TP63: variants seen among roughly 807,000 people sequenced by gnomAD.
The protein encoded by TP63 is tumor protein p63, also known as tumor protein 63.
In TP63, 17 loss-of-function variants were observed where a neutral mutation model predicts 82.8. The ratio of observed to expected loss-of-function variants is 0.21; its 90% CI spans 0.14 to 0.31. The LOEUF is 0.31. Ranked by LOEUF, TP63 falls within the 10% of genes least tolerant of loss-of-function variation. TP63 has a pLI of 1.00. For synonymous variants in TP63, 330 were observed against 321.7 expected (o/e 1.03, Z -0.28); for missense variants, 648 against 895.3 (o/e 0.72, Z 3.52).
chr3:189,614,750 C>T, the TP63 span, among the ~76,000 whole-genome samples: 1 of 152,214 alleles, frequency 6.6e-6, no homozygotes, highest in Admixed American at 6.5e-5. Context: ...GATGTGGGGG[C>T]AGATATTTGA....
intron 3 of TP63, among the ~76,000 whole-genome samples, chr3:189,795,934 T>C (rs1215303759): frequency 6.6e-6 from 1 of 152,084 alleles, no homozygotes; most frequent in African/African-American, 2.4e-5. Context: ...CTATCATTTA[T>C]AGGGACTTAG....
intron 4 of TP63, 21 bp downstream of exon 4, chr3:189,808,547 C>T: frequency 1.2e-6 from 2 of 1,612,316 alleles, no homozygotes; most frequent in Non-Finnish European, 1.7e-6. Context: ...CGGGCACGCA[C>T]ATACCTGACC....
chr3:189,815,591 T>C (rs1223792025), intron 4 of TP63, among the ~76,000 whole-genome samples: 2 of 152,174 alleles, frequency 1.3e-5, no homozygotes, highest in African/African-American at 4.8e-5. Flanking sequence ...ATGTAATATC[T>C]TCATATCTTA....
At chr3:189,658,895 A>T (rs77642768) in intron 1 of TP63, among the ~76,000 whole-genome samples, 1 of 152,144 alleles carries the variant, frequency 6.6e-6, no homozygotes, top group East Asian at 1.9e-4. Flanking sequence ...CTTTGATAAT[A>T]ATGTATCGGT....
intron 1 of TP63, among the ~76,000 whole-genome samples, chr3:189,737,245 T>C (rs1398466646): frequency 6.6e-6 from 1 of 152,052 alleles, no homozygotes; most frequent in Non-Finnish European, 1.5e-5. Context: ...ATTGCGGTTA[T>C]GGGAGGGATG....
rs761878600 is a variant in TP63, at chr3:189,886,549, A to G, written c.1505A>G (p.Asn502Ser). 6.2e-7 allele frequency: 1 copy of G among 1,614,060 alleles called. No homozygotes were observed. Among genetic ancestry groups the G allele is most frequent in the Non-Finnish European group, 8.5e-7 (1 of 1,179,986 alleles). The change falls in exon 11 of 14, where the codon AAC becomes AGC. Residue 502 changes from asparagine to serine, a missense_variant and splice_region_variant. Physicochemically the swap from Asn to Ser is conservative, Grantham distance 46. This residue lies in a region of TP63 where 342 missense variants were observed against 425.7 expected (regional missense o/e 0.80). Coordinates refer to ENST00000264731, the MANE Select transcript of TP63 (RefSeq NM_003722.5). ...ACCATTCCTGATGGCATGGGAGCCA[A>G]CAGTAAGAGCATCTCCTTTTAGCTG... Reference protein sequence around the residue: ...PTTIPDGMGANIPMMGTHMPM... With the variant: ...PTTIPDGMGASIPMMGTHMPM...
At chr3:189,658,849 C>G (rs1187183742) in intron 1 of TP63, among the ~76,000 whole-genome samples, 2 of 151,880 alleles carry the variant, frequency 1.3e-5, no homozygotes, top group East Asian at 1.9e-4. Flanking sequence ...GCCTATCTAA[C>G]TCAGTTGGTA....
chr3:189,770,179 T>A (rs1723231697), intron 3 of TP63, among the ~76,000 whole-genome samples: 1 of 152,240 alleles, frequency 6.6e-6, no homozygotes. Flanking sequence ...ATTGCCTTGA[T>A]CTAAGTTTTG....
At chr3:189,801,159 T>G (rs1295851895) in intron 3 of TP63, among the ~76,000 whole-genome samples, 1 of 152,160 alleles carries the variant, frequency 6.6e-6, no homozygotes, top group Non-Finnish European at 1.5e-5. Flanking sequence ...AAAGGCAGTA[T>G]GGTATGCTTA....
chr3:189,655,926 A>G (rs1464599651), intron 1 of TP63, among the ~76,000 whole-genome samples: 2 of 152,168 alleles, frequency 1.3e-5, no homozygotes, highest in East Asian at 3.9e-4. Context: ...TCATAACCCC[A>G]CAAATGACCT....
intron 3 of TP63, among the ~76,000 whole-genome samples, chr3:189,771,965 C>T (rs1449551453): frequency 6.6e-6 from 1 of 152,094 alleles, no homozygotes; most frequent in African/African-American, 2.4e-5. Context: ...TTGAGCATGG[C>T]AGAGTGATAA....
At chr3:189,645,346 T>C in intron 1 of TP63, 1 of 529,814 alleles carries the variant, frequency 1.9e-6, no homozygotes, top group South Asian at 2.8e-5. Context: ...TCTTGAAGTC[T>C]AGTAAGCAGA....
intron 1 of TP63, among the ~76,000 whole-genome samples, chr3:189,669,228 C>A (rs1469839526): frequency 6.6e-6 from 1 of 151,558 alleles, no homozygotes; most frequent in Non-Finnish European, 1.5e-5. Flanking sequence ...AAAAACAATA[C>A]TAACAACCAA....
intron 5 of TP63, 113 bp downstream of exon 5, chr3:189,864,531 A>C: frequency 1.7e-6 from 1 of 575,066 alleles, no homozygotes; most frequent in African/African-American, 2.0e-5. Context: ...CCGATGGCAG[A>C]TCAGTCTGCC....
At chr3:189,873,408 G>A in intron 10 of TP63, 1 of 280,384 alleles carries the variant, frequency 3.6e-6, no homozygotes, top group East Asian at 8.7e-5. Flanking sequence ...CCACTTTTGG[G>A]AATAACACTG....
intron 3 of TP63, among the ~76,000 whole-genome samples, chr3:189,761,120 T>C (rs1228172591): frequency 6.6e-6 from 1 of 152,224 alleles, no homozygotes; most frequent in Non-Finnish European, 1.5e-5. Flanking sequence ...CACATAGGTC[T>C]CTGACATTCC....
chr3:189,888,371 C>T (rs1347207351), intron 11 of TP63, among the ~76,000 whole-genome samples: 1 of 152,130 alleles, frequency 6.6e-6, no homozygotes, highest in Non-Finnish European at 1.5e-5. Flanking sequence ...TCTTAGAGTC[C>T]TCAAGTTCCT....
intron 10 of TP63, among the ~76,000 whole-genome samples, chr3:189,879,459 T>C (rs952138194): frequency 6.6e-6 from 1 of 152,204 alleles, no homozygotes; most frequent in Non-Finnish European, 1.5e-5. Context: ...CATCTCAATC[T>C]GGGAATATCC....
At chr3:189,850,398 T>C (rs1228866665) in intron 4 of TP63, among the ~76,000 whole-genome samples, 3 of 152,204 alleles carry the variant, frequency 2.0e-5, no homozygotes, top group Non-Finnish European at 4.4e-5. Context: ...TCCATATTGC[T>C]TCAAATCTTT....
Sources: allele counts gnomAD v4.1 joint callset (sites outside exome capture counted in the v4.1 genomes callset), GRCh38; gene constraint gnomAD v4.1.1; regional missense constraint gnomAD v4.1.1; transcripts MANE v1.5; gene names NCBI Gene and HGNC (gene_info 2026-07-23, HGNC 2026-07-21).